The following ENTPD1 variants were observed in gnomAD, a reference collection of about 807,000 sequenced individuals.
The protein encoded by ENTPD1 is ectonucleoside triphosphate diphosphohydrolase 1, also known as ATP diphosphohydrolase.
ENTPD1 carries 33 observed loss-of-function variants against 57.0 expected under a neutral mutation model. The observed-to-expected ratio is 0.58, with a 90% CI of 0.44 to 0.77. The LOEUF is 0.77. Ranked by LOEUF, ENTPD1 falls within the 30% of genes least tolerant of loss-of-function variation. The pLI is 0.00. For missense variants in ENTPD1, 501 were observed against 603.4 expected (o/e 0.83, Z 1.78); for synonymous variants, 202 against 218.8 (o/e 0.92, Z 0.68).
intron 5 of ENTPD1, 115 bp downstream of exon 5, chr10:95,844,750 T>C: frequency 1.6e-6 from 2 of 1,265,204 alleles, no homozygotes; most frequent in South Asian, 1.2e-5. Flanking sequence ...GATGGATGGA[T>C]GGATGGATGA....
intron 1 of ENTPD1, among the ~76,000 whole-genome samples, chr10:95,781,041 G>A (rs1339363436): frequency 6.6e-6 from 1 of 152,208 alleles, no homozygotes; most frequent in African/African-American, 2.4e-5. Context: ...TGGATAAAAT[G>A]TGGTACATAT....
chr10:95,737,425 C>T (rs1490098515), intron 1 of ENTPD1, among the ~76,000 whole-genome samples: 1 of 151,814 alleles, frequency 6.6e-6, no homozygotes, highest in East Asian at 1.9e-4. Flanking sequence ...TGCTCTGTCC[C>T]CCAAGCTGGA....
At chr10:95,751,185 T>C (rs934365019), upstream of ENTPD1, among the ~76,000 whole-genome samples, 3 of 152,230 alleles carry the variant, frequency 2.0e-5, no homozygotes, top group South Asian at 2.1e-4. Flanking sequence ...ATTTTATGCA[T>C]GATAAGGAGA....
chr10:95,780,097 G>A (rs566109819), intron 1 of ENTPD1, among the ~76,000 whole-genome samples: 12 of 152,242 alleles, frequency 7.9e-5, no homozygotes, highest in African/African-American at 2.6e-4. Flanking sequence ...GTTGTTGGAA[G>A]GAATTATATA....
intron 7 of ENTPD1, 71 bp from the exon 8 acceptor site, chr10:95,860,398 C>T (rs1360657509): frequency 3.7e-5 from 47 of 1,254,048 alleles, no homozygotes; most frequent in African/African-American, 6.0e-5. Flanking sequence ...ACAAGGGATG[C>T]GGCCTTTAGG....
chr10:95,875,706 C>T lies in ENTPD1; in HGVS notation c.*9323C>T, dbSNP rs2098485026. 6.0e-6 allele frequency: 1 copy of T among 166,470 alleles called. No individual in the cohort carries two copies. The highest frequency in any genetic ancestry group is 1.6e-4 in the South Asian group (1 of 6,120). The allele number at this position is 166,470 out of a possible 1,614,324, so 10.3% of individuals were successfully genotyped here. A position where few individuals can be genotyped will look rare whatever the true frequency, so the allele number is the denominator to read the frequency against. Reference sequence around the variant, plus strand: ...AGGTTTAATTGGACTTATAGTTCCACCTGGCTGGGGAGGCCTCAGAATCAT... The same window carrying T: ...AGGTTTAATTGGACTTATAGTTCCATCTGGCTGGGGAGGCCTCAGAATCAT... On this transcript the variant is annotated 3_prime_UTR_variant, in exon 10 of 10. Transcript: ENST00000371205.
chr10:95,766,532 A>C (rs778942237), intron 1 of ENTPD1, among the ~76,000 whole-genome samples: 2 of 151,988 alleles, frequency 1.3e-5, no homozygotes, highest in Non-Finnish European at 2.9e-5. Flanking sequence ...ATTTACCTCT[A>C]CTCATATTTT....
upstream of ENTPD1, chr10:95,753,507 G>A (rs1411673714): frequency 6.6e-6 from 1 of 152,170 alleles, no homozygotes; most frequent in South Asian, 2.1e-4. Flanking sequence ...TATTTATGAA[G>A]TGCTAGTTAC....
chr10:95,794,824 G>C (rs773930492), intron 1 of ENTPD1, among the ~76,000 whole-genome samples: 1 of 152,148 alleles, frequency 6.6e-6, no homozygotes, highest in Admixed American at 6.5e-5. Context: ...TCTAGGCAGA[G>C]TACATAAATT....
chr10:95,781,517 G>A (rs1020485682), intron 1 of ENTPD1, among the ~76,000 whole-genome samples: 4 of 152,002 alleles, frequency 2.6e-5, no homozygotes, highest in African/African-American at 7.2e-5. Flanking sequence ...TGATTATTAC[G>A]CATTGCATGC....
intron 7 of ENTPD1, among the ~76,000 whole-genome samples, chr10:95,848,771 A>G (rs2098439988): frequency 6.6e-6 from 1 of 152,260 alleles, no homozygotes; most frequent in Non-Finnish European, 1.5e-5. Flanking sequence ...GGTGAAATAT[A>G]TACTCTAAAC....
At chr10:95,735,486 G>A (rs1455338793) in intron 1 of ENTPD1, among the ~76,000 whole-genome samples, 1 of 152,188 alleles carries the variant, frequency 6.6e-6, no homozygotes, top group Non-Finnish European at 1.5e-5. Context: ...AAGCAGATAA[G>A]TTATTTGTAA....
intron 1 of ENTPD1, among the ~76,000 whole-genome samples, chr10:95,809,764 G>A (rs1377232978): frequency 2.0e-5 from 3 of 148,932 alleles, no homozygotes; most frequent in Non-Finnish European, 4.5e-5. Flanking sequence ...GGGGCGGCTG[G>A]GCAGAGGCAC....
At chr10:95,756,388 C>T in intron 1 of ENTPD1, 133 bp downstream of exon 1, 1 of 1,011,682 alleles carries the variant, frequency 9.9e-7, no homozygotes. Flanking sequence ...CACCCTCTTC[C>T]TTCTGAGAGG....
At chr10:95,702,402 G>C in the ENTPD1 span, among the ~76,000 whole-genome samples, 10 of 151,878 alleles carry the variant, frequency 6.6e-5, no homozygotes, top group African/African-American at 2.4e-5. Context: ...ACAGCAGAGG[G>C]CAGGATTAGT....
At chr10:95,747,063 T>G (rs747683288) in intron 1 of ENTPD1, among the ~76,000 whole-genome samples, 11 of 152,212 alleles carry the variant, frequency 7.2e-5, no homozygotes, top group Non-Finnish European at 1.3e-4. Flanking sequence ...GAAAATAATT[T>G]TGAATTCCTG....
chr10:95,718,713 G>C (rs956496971), intron 1 of ENTPD1, among the ~76,000 whole-genome samples: 3 of 152,150 alleles, frequency 2.0e-5, no homozygotes, highest in African/African-American at 4.8e-5. Context: ...TTCCTGGAGC[G>C]AGGGGATTAC....
rs1175061883 is a variant in ENTPD1 at position 95,765,100 on chromosome 10, T to C, written c.16+8845T>C. ...TCCTTATATATTCCCTTTTCAGATA[T>C]ATGATTTCCAAAAATTTTCTCCCAT... is the stretch of plus-strand genomic sequence containing the variant. On this transcript the variant is annotated intron_variant, in intron 1 of 9. Coordinates refer to ENST00000371205, the MANE Select transcript of ENTPD1 (RefSeq NM_001776.6). Among the ~76,000 whole-genome samples the C allele has an allele frequency of 1.1e-4, 16 of 152,198 alleles. 1 individual carries two copies. Among genetic ancestry groups the C allele is most frequent in the Admixed American group, 1.0e-3 (16 of 15,286 alleles).
At chr10:95,821,639 A>C (rs2098351787) in intron 1 of ENTPD1, among the ~76,000 whole-genome samples, 1 of 152,196 alleles carries the variant, frequency 6.6e-6, no homozygotes, top group African/African-American at 2.4e-5. Context: ...TGTGTATTTC[A>C]CCTGCTCTTC....
Sources: allele counts gnomAD v4.1 joint callset (sites outside exome capture counted in the v4.1 genomes callset), GRCh38; gene constraint gnomAD v4.1.1; transcripts MANE v1.5; gene names NCBI Gene and HGNC (gene_info 2026-07-23, HGNC 2026-07-21).